The following DDX10 variants were observed in gnomAD, a reference collection of about 807,000 sequenced individuals.
The protein encoded by DDX10 is DEAD-box helicase 10, also known as probable ATP-dependent RNA helicase DDX10.
Under a neutral mutation model 104.3 loss-of-function variants are expected in DDX10, and 74 were observed. The observed-to-expected ratio is 0.71, with a 90% CI of 0.59 to 0.86. The LOEUF (loss-of-function observed/expected upper bound fraction) is 0.86, where lower values mean the gene tolerates loss of function less well. Ranked by LOEUF, DDX10 falls within the 40% of genes least tolerant of loss-of-function variation. The probability of loss-of-function intolerance (pLI) is 0.00; values close to 1 mark genes in which losing one functional copy is unlikely to be tolerated. For missense variants in DDX10, 952 were observed against 1,040.0 expected (o/e 0.92, Z 1.16); for synonymous variants, 351 against 353.4 (o/e 0.99, Z 0.08).
intron 10 of DDX10, among the ~76,000 whole-genome samples, chr11:108,709,702 T>C (rs944335794): frequency 2.6e-5 from 4 of 152,168 alleles, no homozygotes; most frequent in African/African-American, 4.8e-5. Context: ...CTTTTTTTAG[T>C]TGTTTATTTT....
intron 4 of DDX10, among the ~76,000 whole-genome samples, chr11:108,677,995 A>T (rs1218747756): frequency 6.6e-6 from 1 of 152,022 alleles, no homozygotes; most frequent in African/African-American, 2.4e-5. Context: ...AATGAGAGTG[A>T]TTCCAGTTTA....
chr11:108,915,736 A>T (rs1863739299), intron 16 of DDX10, among the ~76,000 whole-genome samples: 1 of 152,142 alleles, frequency 6.6e-6, no homozygotes, highest in African/African-American at 2.4e-5. Context: ...AAGCTATTAC[A>T]CATCAACGTT....
chr11:108,682,381 AG>A (rs2094236666), intron 6 of DDX10, among the ~76,000 whole-genome samples: 2 of 152,228 alleles, frequency 1.3e-5, no homozygotes, highest in Admixed American at 6.5e-5. Context: ...CTGGGATTAC[AG>A]GCCTGAGCCA....
At chr11:108,831,421 CAAAAAAAAAA>C (rs779264219) in intron 13 of DDX10, among the ~76,000 whole-genome samples, 1 of 69,824 alleles carries the variant, frequency 1.4e-5, no homozygotes, top group African/African-American at 6.5e-5. Context: ...GAGACTGTCT[CAAAAAAAAAA>C]AAAAAAAAAA....
chr11:108,879,715 A>T (rs1863201910), intron 16 of DDX10, among the ~76,000 whole-genome samples: 1 of 152,180 alleles, frequency 6.6e-6, no homozygotes, highest in Non-Finnish European at 1.5e-5. Context: ...TGGATGGGTG[A>T]CATTAGAAAT....
intron 17 of DDX10, among the ~76,000 whole-genome samples, chr11:108,924,451 C>T (rs574185967): frequency 3.3e-4 from 51 of 152,320 alleles, no homozygotes; most frequent in African/African-American, 1.2e-3. Flanking sequence ...AACTATTCCA[C>T]ATCTAAATAT....
At chr11:108,678,538 T>A in intron 5 of DDX10, 103 bp downstream of exon 5, 1 of 1,234,146 alleles carries the variant, frequency 8.1e-7, no homozygotes, top group Non-Finnish European at 1.1e-6. Context: ...ATAAATGTTA[T>A]GATTCAAAAC....
At chr11:108,881,036 G>A (rs1863221474) in intron 16 of DDX10, among the ~76,000 whole-genome samples, 1 of 152,026 alleles carries the variant, frequency 6.6e-6, no homozygotes, top group Admixed American at 6.5e-5. Flanking sequence ...CAAACCATAC[G>A]TATTGTTTAA....
At chr11:108,743,740 T>C (rs756630747) in intron 13 of DDX10, among the ~76,000 whole-genome samples, 3 of 152,072 alleles carry the variant, frequency 2.0e-5, no homozygotes, top group Non-Finnish European at 4.4e-5. Context: ...CAAGACCTTT[T>C]TCTATGGCTG....
chr11:108,861,253 T>C (rs10789688), intron 16 of DDX10, among the ~76,000 whole-genome samples: 79,442 of 151,706 alleles, frequency 0.52, 21,937 homozygotes, highest in Non-Finnish European at 0.62. Flanking sequence ...CTGTTGTGAC[T>C]GCCCTGGACG....
intron 15 of DDX10, among the ~76,000 whole-genome samples, chr11:108,850,448 T>C (rs781681886): frequency 6.6e-6 from 1 of 152,324 alleles, no homozygotes; most frequent in Middle Eastern, 3.4e-3. Context: ...AGTTATTCTT[T>C]GCAACTTTGA....
chr11:108,722,644 G>A (rs2094299691), intron 12 of DDX10, among the ~76,000 whole-genome samples: 1 of 152,166 alleles, frequency 6.6e-6, no homozygotes, highest in Non-Finnish European at 1.5e-5. Flanking sequence ...AGTTAGGCCT[G>A]GCAGGTACTG....
rs914830666 is a variant in DDX10 at position 108,677,233 on chromosome 11, T to C, written c.527T>C (p.Ile176Thr). Residue 176 changes from isoleucine (I) to threonine (T), a missense_variant, in exon 4 of 18, where the codon ATT (isoleucine) becomes ACT (threonine). Transcript: ENST00000322536. Reference protein sequence around the residue: ...KNHDFSAGLIIGGKDLKHEAE... With the variant: ...KNHDFSAGLITGGKDLKHEAE... ...CATGACTTCTCAGCTGGTCTCATCA[T>C]TGGTGGAAAGGTTTGTCCTTTTGTC... The C allele has an allele frequency of 2.5e-6, 4 of 1,613,186 alleles. No homozygotes were observed. Among genetic ancestry groups the C allele is most frequent in the South Asian group, 1.1e-5 (1 of 91,030 alleles).
At chr11:108,686,849 A>G (rs61913972) in intron 6 of DDX10, among the ~76,000 whole-genome samples, 18,647 of 151,712 alleles carry the variant, frequency 0.12, 1,561 homozygotes, top group East Asian at 0.27. Flanking sequence ...CAGTGGCATA[A>G]TCTCCCTTCA....
At chr11:108,844,552 C>T (rs1277223007) in intron 15 of DDX10, among the ~76,000 whole-genome samples, 1 of 152,200 alleles carries the variant, frequency 6.6e-6, no homozygotes, top group Non-Finnish European at 1.5e-5. Flanking sequence ...CACATCTTCA[C>T]ATGTGGGAAA....
chr11:108,839,456 C>T (rs969632469), intron 14 of DDX10, among the ~76,000 whole-genome samples: 8 of 152,154 alleles, frequency 5.3e-5, no homozygotes, highest in Admixed American at 5.2e-4. Flanking sequence ...GTTTACTATT[C>T]TGTCCCCAGC....
At chr11:108,810,972 ATTCTT>A (rs1862171862) in intron 13 of DDX10, among the ~76,000 whole-genome samples, 2 of 152,136 alleles carry the variant, frequency 1.3e-5, no homozygotes, top group African/African-American at 4.8e-5. Context: ...GTACTTAAAC[ATTCTT>A]ATCATTTTTC....
chr11:108,673,418 G>A (rs1268181061), intron 1 of DDX10, 49 bp from the exon 2 acceptor site: 1 of 1,246,152 alleles, frequency 8.0e-7, no homozygotes, highest in Non-Finnish European at 1.2e-6. Flanking sequence ...AGAAATGGCT[G>A]TGTCGTGAAA....
intron 9 of DDX10, among the ~76,000 whole-genome samples, chr11:108,706,283 T>C (rs1185602122): frequency 6.6e-6 from 1 of 152,174 alleles, no homozygotes; most frequent in African/African-American, 2.4e-5. Context: ...AACAGATCTA[T>C]TTCTTATAAC....
Sources: allele counts gnomAD v4.1 joint callset (sites outside exome capture counted in the v4.1 genomes callset), GRCh38; gene constraint gnomAD v4.1.1; transcripts MANE v1.5; gene names NCBI Gene and HGNC (gene_info 2026-07-23, HGNC 2026-07-21).